ARHGEF10: variants seen among roughly 807,000 people sequenced by gnomAD.
ARHGEF10 encodes Rho guanine nucleotide exchange factor (GEF) 10.
ARHGEF10 carries 140 observed loss-of-function variants against 147.4 expected under a neutral mutation model. The observed-to-expected ratio is 0.95, with a 90% CI of 0.83 to 1.09. ARHGEF10 has a LOEUF of 1.09. Among genes scored for constraint, ARHGEF10 ranks in the 50% least tolerant of loss-of-function variants. The pLI, the probability that ARHGEF10 is intolerant of heterozygous loss-of-function variation, is 0.00. For missense variants in ARHGEF10, 2,222 were observed against 1,752.7 expected, an observed-to-expected ratio of 1.27 and a Z score of -4.78; for synonymous variants, 902 against 695.8, an observed-to-expected ratio of 1.30 and a Z score of -4.67.
intron 26 of ARHGEF10, among the ~76,000 whole-genome samples, chr8:1,936,817 C>T (rs1239322986): frequency 6.6e-6 from 1 of 152,204 alleles, no homozygotes; most frequent in African/African-American, 2.4e-5. Flanking sequence ...TCTGTCATCT[C>T]AGAGGGAAAG....
intron 26 of ARHGEF10, chr8:1,943,763 T>C (rs1338282802): frequency 6.6e-6 from 1 of 152,202 alleles, no homozygotes; most frequent in Non-Finnish European, 1.5e-5. Flanking sequence ...AACTTGTGAT[T>C]ATTGAAGAAA....
intron 27 of ARHGEF10, among the ~76,000 whole-genome samples, chr8:1,946,247 C>T (rs796903595): frequency 1.1e-4 from 17 of 152,236 alleles, no homozygotes; most frequent in African/African-American, 3.1e-4. Context: ...CTGTGGGGTC[C>T]GTGGAAGGGC....
At chr8:1,870,231 CG>C (rs1806993667) in intron 7 of ARHGEF10, 1 of 127,746 alleles carries the variant, frequency 7.8e-6, no homozygotes, top group African/African-American at 3.1e-5. Context: ...ATCTTGTTAC[CG>C]ATTTTTTTTT....
Position 1,888,344 on chromosome 8 carries a change from A to ACTGAGTGGGGCGAGGGTTGCGAGGAGACC in ARHGEF10, c.1182+2647_1182+2648insCGAGGGTTGCGAGGAGACCCTGAGTGGGG, listed in dbSNP as rs1808964562. On this transcript the variant is annotated intron_variant, in intron 11 of 28. Coordinates refer to ENST00000349830, the MANE Select transcript of ARHGEF10 (RefSeq NM_014629.4). ...AGTGGGATGTTGACTGTGAGGAGAC[A>ACTGAGTGGGGCGAGGGTTGCGAGGAGACC]CTGAGTGGGGTGAGGGTTGTGAGGA... 2.9e-5 allele frequency among the ~76,000 whole-genome samples: 2 copies of ACTGAGTGGGGCGAGGGTTGCGAGGAGACC among 70,164 alleles called. 1 individual carries two copies. Among genetic ancestry groups the ACTGAGTGGGGCGAGGGTTGCGAGGAGACC allele is most frequent in the African/African-American group, 1.1e-4 (2 of 17,428 alleles). 46.0% of individuals were successfully genotyped at this position (70,164 alleles called of 152,430 possible). A position where few individuals can be genotyped will look rare whatever the true frequency, so the allele number is the denominator to read the frequency against.
rs1807715912 is a variant in ARHGEF10 at position 1,876,514 on chromosome 8, A to G, written c.680-57A>G. 4 of 1,563,776 alleles carry G rather than the reference A, an allele frequency of 2.6e-6. No individual in the cohort carries two copies. The South Asian group carries it at 4.4e-5, about 17-fold the overall frequency. On this transcript the variant is annotated intron_variant, in intron 7 of 28. Coordinates refer to ENST00000349830, the MANE Select transcript of ARHGEF10 (RefSeq NM_014629.4). ...TTTGGTAAAACCACAAACAGGCACA[A>G]AACAGCCCACATGGAATTCTAAAGT...
chr8:1,926,544 GA>G (rs1348865855), intron 23 of ARHGEF10, 81 bp downstream of exon 23: 3 of 1,311,674 alleles, frequency 2.3e-6, no homozygotes, highest in Non-Finnish European at 3.3e-6. Flanking sequence ...ACTGAGATGT[GA>G]ATTGCTCAGT....
chr8:1,956,673 G>A, intron 28 of ARHGEF10, 76 bp from the exon 29 acceptor site: 1 of 1,554,186 alleles, frequency 6.4e-7, no homozygotes. Flanking sequence ...TTGGGGTTAA[G>A]CCCTGCACTT....
At chr8:1,929,577 C>G in intron 25 of ARHGEF10, 134 bp downstream of exon 25, 2 of 1,117,490 alleles carry the variant, frequency 1.8e-6, no homozygotes, top group Non-Finnish European at 2.5e-6. Context: ...CGCTCGTCAC[C>G]CTTGCCCAAG....
intron 13 of ARHGEF10, among the ~76,000 whole-genome samples, chr8:1,894,961 G>A (rs1007438635): frequency 6.6e-6 from 1 of 152,214 alleles, no homozygotes; most frequent in Non-Finnish European, 1.5e-5. Context: ...TTCTCTTCCT[G>A]ATCTAGGTGT....
At chr8:1,886,878 G>C (rs1285545875) in intron 11 of ARHGEF10, among the ~76,000 whole-genome samples, 7 of 152,174 alleles carry the variant, frequency 4.6e-5, no homozygotes, top group African/African-American at 1.7e-4. Context: ...TAACCTGTCT[G>C]TGCTCACTGG....
rs774640644 is a variant in ARHGEF10 at position 1,866,579 on chromosome 8, C to T, written c.599C>T (p.Pro200Leu). The T allele has an allele frequency of 9.3e-6, 15 of 1,607,178 alleles. No individual in the cohort carries two copies. Among genetic ancestry groups the T allele is most frequent in the East Asian group, 4.5e-5 (2 of 44,894 alleles). Residue 200 changes from proline to leucine, a missense_variant, in exon 6 of 29, where the codon CCG becomes CTG. Coordinates refer to ENST00000349830, the MANE Select transcript of ARHGEF10 (RefSeq NM_014629.4). The part of the protein sequence containing the change: ...DSALARWAAD[P>L]ANTAWMENPE... The stretch of plus-strand genomic sequence containing the variant: ...GCACTTGCCCGCTGGGCCGCAGACC[C>T]GGCCAACACAGCCTGGATGGAGAGT...
At chr8:1,881,983 T>C (rs1008348239) in intron 9 of ARHGEF10, among the ~76,000 whole-genome samples, 4 of 152,182 alleles carry the variant, frequency 2.6e-5, no homozygotes, top group African/African-American at 7.2e-5. Context: ...CCCCTGAGTC[T>C]AGGCAGCCGT....
intron 22 of ARHGEF10, 38 bp from the exon 23 acceptor site, chr8:1,926,339 T>A: frequency 6.4e-7 from 1 of 1,554,140 alleles, no homozygotes; most frequent in East Asian, 2.2e-5. Context: ...CTCTTAGCTC[T>A]GTTTTATATG....
chr8:1,931,402 T>C (rs1192864763), intron 25 of ARHGEF10, among the ~76,000 whole-genome samples: 1 of 152,240 alleles, frequency 6.6e-6, no homozygotes, highest in East Asian at 1.9e-4. Flanking sequence ...CTCTCCAGCC[T>C]CTTACTTGGC....
intron 1 of ARHGEF10, among the ~76,000 whole-genome samples, chr8:1,829,102 C>G (rs1412331851): frequency 1.3e-5 from 2 of 152,236 alleles, no homozygotes; most frequent in Non-Finnish European, 2.9e-5. Flanking sequence ...GGCCAACCAG[C>G]CCGGCCAGGC....
intron 1 of ARHGEF10, among the ~76,000 whole-genome samples, chr8:1,842,982 T>C (rs1157871880): frequency 3.3e-5 from 5 of 152,212 alleles, no homozygotes; most frequent in African/African-American, 9.6e-5. Context: ...CAGCTAAGTC[T>C]GGAAGAAACC....
chr8:1,888,171 C>CACTT lies in ARHGEF10; in HGVS notation c.1182+2465_1182+2466insCTTA, dbSNP rs1563233680. Among the ~76,000 whole-genome samples the CACTT allele has an allele frequency of 5.8e-4, 37 of 64,300 alleles. 1 individual carries two copies. The highest frequency in any genetic ancestry group is 1.0e-3 in the Admixed American group (8 of 7,736). 42.2% of individuals were successfully genotyped at this position (64,300 alleles called of 152,430 possible). A position where few individuals can be genotyped will look rare whatever the true frequency, so the allele number is the denominator to read the frequency against. On this transcript the variant is annotated intron_variant, in intron 11 of 28. Transcript: ENST00000349830. Reference sequence around the variant, plus strand: ...TAGTGGGGCGAGGGTTGCGAGGAGACAGTGAGTGGGGTGAGGGTTTGCGAG... The same window carrying CACTT: ...TAGTGGGGCGAGGGTTGCGAGGAGACACTTAGTGAGTGGGGTGAGGGTTTGCGAG...
At chr8:1,889,544 A>G (rs55682316) in intron 11 of ARHGEF10, among the ~76,000 whole-genome samples, 5 of 27,902 alleles carry the variant, frequency 1.8e-4, no homozygotes, top group East Asian at 0.019. Context: ...GACACTGAGT[A>G]GGGTAAGGAG....
rs989297924 is a variant in ARHGEF10 at position 1,950,210 on chromosome 8, C to T, written c.3398-2495C>T. Among the ~76,000 whole-genome samples, 4 of 152,324 alleles carry T rather than the reference C, an allele frequency of 2.6e-5. No individual in the cohort carries two copies. In the South Asian group the frequency reaches 6.2e-4, roughly 24 times the overall value. Reference sequence around the variant, plus strand: ...CGGACCTCACGTGGGCTCCAACTCCCGGGACCCAGCCCCATCTGGGACACG... The same window carrying T: ...CGGACCTCACGTGGGCTCCAACTCCTGGGACCCAGCCCCATCTGGGACACG... On this transcript the variant is annotated intron_variant, in intron 27 of 28. Transcript: ENST00000349830.
Sources: gnomAD v4.1 joint callset for allele counts (sites outside exome capture counted in the v4.1 genomes callset) on GRCh38, gnomAD v4.1.1 for gene constraint, MANE v1.5 for transcripts, NCBI Gene and HGNC (gene_info 2026-07-23, HGNC 2026-07-21) for gene names.